The following LRRC4C variants were observed in gnomAD, a reference collection of about 807,000 sequenced individuals.
The protein encoded by LRRC4C is leucine-rich repeat-containing protein 4C.
Under a neutral mutation model 33.6 loss-of-function variants are expected in LRRC4C, and 5 were observed. The observed-to-expected ratio is 0.15, with a 90% confidence interval of 0.08 to 0.31. The LOEUF is 0.31. Ranked by LOEUF, LRRC4C falls within the 10% of genes least tolerant of loss-of-function variation. The probability of loss-of-function intolerance (pLI) is 1.00; values close to 1 mark genes in which losing one functional copy is unlikely to be tolerated. For synonymous variants in LRRC4C, 329 were observed against 302.0 expected (o/e 1.09, Z -0.93); for missense variants, 560 against 796.7 (o/e 0.70, Z 3.58).
At chr11:40,690,162 AC>A (rs1432044941) in intron 2 of LRRC4C, among the ~76,000 whole-genome samples, 2 of 152,082 alleles carry the variant, frequency 1.3e-5, no homozygotes, top group African/African-American at 4.8e-5. Flanking sequence ...TACAATGATT[AC>A]AAATACTGAG....
chr11:41,427,488 A>T (rs1900525), intron 1 of LRRC4C, among the ~76,000 whole-genome samples: 4,900 of 152,244 alleles, frequency 0.032, 262 homozygotes, highest in African/African-American at 0.11. Flanking sequence ...AGCATGACTA[A>T]TTTTCTAATG....
At chr11:40,997,626 A>G (rs965467912) in intron 1 of LRRC4C, among the ~76,000 whole-genome samples, 2 of 152,102 alleles carry the variant, frequency 1.3e-5, no homozygotes, top group East Asian at 3.9e-4. Flanking sequence ...TCAATAAAGG[A>G]GTATTTTGTT....
intron 1 of LRRC4C, among the ~76,000 whole-genome samples, chr11:41,218,685 A>G (rs11036294): frequency 3.7e-4 from 57 of 152,194 alleles, no homozygotes; most frequent in African/African-American, 1.3e-3. Flanking sequence ...TTAAAGAATA[A>G]TAATAGATTC....
chr11:41,231,068 C>A (rs1947770301), intron 1 of LRRC4C, among the ~76,000 whole-genome samples: 1 of 152,040 alleles, frequency 6.6e-6, no homozygotes, highest in African/African-American at 2.4e-5. Context: ...AATGAGATAC[C>A]ATCTCATGTC....
At chr11:40,696,614 A>G (rs1945548030) in intron 2 of LRRC4C, among the ~76,000 whole-genome samples, 2 of 149,860 alleles carry the variant, frequency 1.3e-5, no homozygotes, top group African/African-American at 4.9e-5. Flanking sequence ...ACAAGGCAAC[A>G]AAGTGTCTTA....
intron 3 of LRRC4C, among the ~76,000 whole-genome samples, chr11:40,541,885 C>A (rs1283441379): frequency 1.3e-5 from 2 of 152,086 alleles, no homozygotes; most frequent in Admixed American, 1.3e-4. Context: ...TCACTTCCCT[C>A]CTTCTATAAA....
chr11:41,311,380 T>G (rs1227282671), intron 1 of LRRC4C, among the ~76,000 whole-genome samples: 1 of 152,188 alleles, frequency 6.6e-6, no homozygotes, highest in Non-Finnish European at 1.5e-5. Flanking sequence ...CTTCATTATT[T>G]TATTGAAAAA....
At position 40,888,862 on chromosome 11, in the gene LRRC4C, C is replaced by T. The variant is rs553838044; in HGVS notation, c.-407+44773G>A. Among the ~76,000 whole-genome samples the T allele has an allele frequency of 2.6e-5, 4 of 152,054 alleles. No individual in the cohort carries two copies. The South Asian group carries it at 8.3e-4, about 32-fold the overall frequency. ...GGCCCTGTGCTGCCAATAAAATTTT[C>T]ACACCAAAATGCTTATCTTCTTTTA... is the stretch of plus-strand genomic sequence containing the variant. On this transcript the variant is annotated intron_variant, in intron 2 of 6. Coordinates refer to ENST00000528697, the MANE Select transcript of LRRC4C (RefSeq NM_001258419.2).
chr11:40,216,595 G>C lies in LRRC4C; in HGVS notation c.-96+24924C>G, dbSNP rs114148045. Among the ~76,000 whole-genome samples, 293 of 152,220 alleles carry C rather than the reference G, an allele frequency of 1.9e-3. 1 individual carries two copies. Among genetic ancestry groups the C allele is most frequent in the African/African-American group, 6.5e-3 (270 of 41,554 alleles). On this transcript the variant is annotated intron_variant, in intron 5 of 6. Transcript: ENST00000528697. ...ATTAAGAAGCGGAAAATGGGAGACA[G>C]GGGAGGAAGAATAGCCCAGAAAGAA...
intron 3 of LRRC4C, among the ~76,000 whole-genome samples, chr11:40,393,957 G>GT (rs1052638283): frequency 2.6e-5 from 4 of 151,806 alleles, no homozygotes; most frequent in Non-Finnish European, 4.4e-5. Context: ...AAATGGATCA[G>GT]TTTTTTTTAA....
chr11:41,089,235 T>A (rs191115228), intron 1 of LRRC4C, among the ~76,000 whole-genome samples: 47 of 152,136 alleles, frequency 3.1e-4, no homozygotes, highest in African/African-American at 1.1e-3. Flanking sequence ...GTTTATATCC[T>A]TATATATGGC....
intron 1 of LRRC4C, among the ~76,000 whole-genome samples, chr11:40,971,544 T>C (rs1851729956): frequency 6.6e-6 from 1 of 151,820 alleles, no homozygotes; most frequent in Admixed American, 6.6e-5. Context: ...GGGGGTGGAG[T>C]CCTCACAGAG....
Position 40,344,834 on chromosome 11 carries a change from T to A in LRRC4C, c.-269-25113A>T, listed in dbSNP as rs546251911. Among the ~76,000 whole-genome samples the A allele has an allele frequency of 2.0e-5, 3 of 152,152 alleles. No individual in the cohort carries two copies. The South Asian group carries it at 6.2e-4, about 32-fold the overall frequency. The stretch of plus-strand genomic sequence containing the variant: ...CAGGATACAAAATCAATGTAAAAAA[T>A]CAGTAGTACTCCTGTACACGAAGAA... On this transcript the variant is annotated intron_variant, in intron 3 of 6. Coordinates refer to ENST00000528697, the MANE Select transcript of LRRC4C (RefSeq NM_001258419.2).
chr11:40,728,216 C>A (rs897572159), intron 2 of LRRC4C, among the ~76,000 whole-genome samples: 1 of 151,764 alleles, frequency 6.6e-6, no homozygotes, highest in Non-Finnish European at 1.5e-5. Flanking sequence ...ATCAGTTCAG[C>A]CCCTGTAGAA....
At chr11:40,804,114 A>C (rs112525791) in intron 2 of LRRC4C, among the ~76,000 whole-genome samples, 1 of 152,094 alleles carries the variant, frequency 6.6e-6, no homozygotes, top group Non-Finnish European at 1.5e-5. Flanking sequence ...AGGATCTTTT[A>C]CTAATTTTAG....
intron 5 of LRRC4C, among the ~76,000 whole-genome samples, chr11:40,208,948 C>CGTGTGTGTGT (rs58767227): frequency 0.069 from 10,116 of 146,652 alleles, 403 homozygotes; most frequent in Middle Eastern, 0.11. Flanking sequence ...CTTTTGTGCA[C>CGTGTGTGTGT]GTGTGTGTGT....
rs546746960 is a variant in LRRC4C at position 40,939,042 on chromosome 11, G to GA, written c.-495-5320dup. 2.2e-3 allele frequency among the ~76,000 whole-genome samples: 334 copies of GA among 151,942 alleles called. 5 individuals carry two copies. Among genetic ancestry groups the GA allele is most frequent in the Admixed American group, 0.019 (289 of 15,244 alleles). On this transcript the variant is annotated intron_variant, in intron 1 of 6. Transcript: ENST00000528697. ...AATGTTTATGATATAATAGTGAATG[G>GA]AAAAAAAGGAAATTCTAAAATAACG... is the stretch of plus-strand genomic sequence containing the variant.
rs80151855 is a variant in LRRC4C at position 40,150,295 on chromosome 11, C to A, written c.-95-9442G>T. Among the ~76,000 whole-genome samples the A allele has an allele frequency of 3.5e-3, 533 of 152,328 alleles. 6 individuals are homozygous for A. The highest frequency in any genetic ancestry group is 0.012 in the African/African-American group (508 of 41,574). On this transcript the variant is annotated intron_variant, in intron 5 of 6. Coordinates refer to ENST00000528697, the MANE Select transcript of LRRC4C (RefSeq NM_001258419.2). ...CTGTTTTTTCCAAATAAGGTCACATCTGGCTTCTGGGGGCTAGTATGTAGA... is the reference window on the plus strand; with the variant it reads ...CTGTTTTTTCCAAATAAGGTCACATATGGCTTCTGGGGGCTAGTATGTAGA...
chr11:40,794,917 T>G (rs550077097), intron 2 of LRRC4C, among the ~76,000 whole-genome samples: 5 of 152,196 alleles, frequency 3.3e-5, no homozygotes, highest in Non-Finnish European at 5.9e-5. Context: ...GAATGATATA[T>G]TGAGTGCTTC....
Sources: allele counts gnomAD v4.1 joint callset (sites outside exome capture counted in the v4.1 genomes callset), GRCh38; gene constraint gnomAD v4.1.1; transcripts MANE v1.5; gene names NCBI Gene and HGNC (gene_info 2026-07-23, HGNC 2026-07-21).